Variants in KNTC1 observed in about 807,000 individuals in gnomAD.
KNTC1 encodes kinetochore-associated protein 1.
In KNTC1, 253 loss-of-function variants were observed where a neutral mutation model predicts 314.4. The observed-to-expected ratio is 0.80, with a 90% CI of 0.73 to 0.89. KNTC1 has a LOEUF of 0.89. KNTC1 is among the 40% of genes least tolerant of loss of function. The probability of loss-of-function intolerance (pLI) is 0.00; values close to 1 mark genes in which losing one functional copy is unlikely to be tolerated. For synonymous variants in KNTC1, 901 were observed against 901.4 expected, an observed-to-expected ratio of 1.00 and a Z score of 0.01; for missense variants, 2,475 against 2,572.9, an observed-to-expected ratio of 0.96 and a Z score of 0.82.
At chr12:122,548,453 C>T (rs1467457527) in intron 12 of KNTC1, among the ~76,000 whole-genome samples, 1 of 152,034 alleles carries the variant, frequency 6.6e-6, no homozygotes, top group Non-Finnish European at 1.5e-5. Flanking sequence ...GGTGATTTGC[C>T]TGCCTCTCGG....
intron 41 of KNTC1, 148 bp downstream of exon 41, chr12:122,590,883 TGACATACTGTTG>T: frequency 1.4e-6 from 1 of 727,642 alleles, no homozygotes; most frequent in Non-Finnish European, 2.2e-6. Context: ...GCTTGACTGG[TGACATACTGTTG>T]CCTGTATATG....
At position 122,529,987 on chromosome 12, in the gene KNTC1, C is replaced by G. The variant is rs372721971; in HGVS notation, c.-73-4C>G. ...TCCCAAGGAACCAGGTTCTATGCAA[C>G]AAGATAATATGGTGTCTAATTTTAT... On this transcript the variant is annotated splice_region_variant and splice_polypyrimidine_tract_variant and intron_variant, in intron 1 of 63. Coordinates refer to ENST00000333479, the MANE Select transcript of KNTC1 (RefSeq NM_014708.6). 3.4e-5 allele frequency: 51 copies of G among 1,480,452 alleles called. No homozygotes were observed. In the African/African-American group the frequency reaches 6.6e-4, roughly 19 times the overall value. The allele number at this position is 1,480,452 out of a possible 1,614,324, so 91.7% of individuals were successfully genotyped here.
In KNTC1 at chr12:122,576,960, C is replaced by T; in HGVS notation, c.2652C>T (p.Ala884=). Residue 884 remains alanine (A), a synonymous_variant, in exon 30 of 64, where the codon GCC becomes GCT. Transcript: ENST00000333479. ...CTTTAGAAGATGCTTTAAAGGTAGC[C>T]CAAGCGTTTATGTTATCTGATGATG... is the stretch of plus-strand genomic sequence containing the variant. ...PSSLEDALKV[A]QAFMLSDDEI... is the part of the protein sequence containing the mutation. 2.5e-6 allele frequency: 4 copies of T among 1,598,852 alleles called. No individual in the cohort carries two copies. Among genetic ancestry groups the T allele is most frequent in the Non-Finnish European group, 2.6e-6 (3 of 1,171,018 alleles).
chr12:122,545,494 G>T (rs988742315), intron 8 of KNTC1, among the ~76,000 whole-genome samples: 5 of 151,876 alleles, frequency 3.3e-5, no homozygotes, highest in Non-Finnish European at 7.4e-5. Flanking sequence ...TTTCACCAGG[G>T]TTTCAAAGAA....
intron 6 of KNTC1, 27 bp downstream of exon 6, chr12:122,542,154 T>C (rs1193547174): frequency 7.3e-7 from 1 of 1,361,434 alleles, no homozygotes; most frequent in South Asian, 1.4e-5. Context: ...ATTTTTATTA[T>C]TGATTTGCAG....
chr12:122,541,501 C>G (rs1425669657), intron 5 of KNTC1, among the ~76,000 whole-genome samples: 2 of 151,680 alleles, frequency 1.3e-5, no homozygotes, highest in Non-Finnish European at 2.9e-5. Flanking sequence ...CACGCACCAC[C>G]ACAACCAGCT....
intron 53 of KNTC1, 115 bp from the exon 54 acceptor site, chr12:122,612,997 A>G (rs959225535): frequency 1.5e-5 from 10 of 680,918 alleles, no homozygotes; most frequent in African/African-American, 1.4e-4. Flanking sequence ...GTAACTGTAG[A>G]GATTGACTTT....
intron 61 of KNTC1, 37 bp from the exon 62 acceptor site, chr12:122,622,425 T>C: frequency 1.4e-6 from 2 of 1,454,102 alleles, no homozygotes; most frequent in Non-Finnish European, 1.9e-6. Flanking sequence ...TCTAATAGAT[T>C]AGAAGTCTGA....
chr12:122,615,789 T>C (rs1419764018), intron 57 of KNTC1, among the ~76,000 whole-genome samples: 1 of 152,054 alleles, frequency 6.6e-6, no homozygotes, highest in Non-Finnish European at 1.5e-5. Flanking sequence ...CTAGATCCTT[T>C]CCCTAAAATA....
Position 122,571,465 on chromosome 12 carries a change from C to G in KNTC1, c.2019+339C>G, listed in dbSNP as rs184854095. On this transcript the variant is annotated intron_variant, in intron 24 of 63. Coordinates refer to ENST00000333479, the MANE Select transcript of KNTC1 (RefSeq NM_014708.6). ...CCCTCAACTTTTGGGCTCAAGTGAT[C>G]CTCCCACCTCAGCCTCCTGAGTAGC... Among the ~76,000 whole-genome samples the G allele has an allele frequency of 1.4e-3, 216 of 151,822 alleles. 1 individual carries two copies. The highest frequency in any genetic ancestry group is 2.3e-3 in the Non-Finnish European group (154 of 67,944).
At chr12:122,585,017 T>A in intron 36 of KNTC1, 27 bp downstream of exon 36, 2 of 1,356,456 alleles carry the variant, frequency 1.5e-6, no homozygotes, top group Non-Finnish European at 1.0e-6. Flanking sequence ...TTTTTTCCCT[T>A]AAATCCTGGG....
Position 122,587,896 on chromosome 12 carries a change from C to T in KNTC1, c.3894+22C>T, listed in dbSNP as rs190460341. The T allele has an allele frequency of 4.4e-6, 7 of 1,600,842 alleles. No individual in the cohort carries two copies. In the East Asian group the frequency reaches 1.6e-4, roughly 36 times the overall value. ...AAAGGTATAGTGTCAAGAACAAATACTTTGACTTGGGGTGAATATAGATGT... is the reference window on the plus strand; with the variant it reads ...AAAGGTATAGTGTCAAGAACAAATATTTTGACTTGGGGTGAATATAGATGT... On this transcript the variant is annotated intron_variant, in intron 39 of 63. Transcript: ENST00000333479.
intron 17 of KNTC1, 42 bp downstream of exon 17, chr12:122,557,551 T>C (rs747016495): frequency 5.6e-6 from 9 of 1,611,886 alleles, no homozygotes; most frequent in Non-Finnish European, 7.6e-6. Context: ...TAGATTGACG[T>C]GTTGATCAAC....
At chr12:122,599,033 A>C (rs1165423509) in intron 44 of KNTC1, among the ~76,000 whole-genome samples, 2 of 152,034 alleles carry the variant, frequency 1.3e-5, no homozygotes, top group Admixed American at 1.3e-4. Flanking sequence ...GTGCAGATGA[A>C]TCTCACTGTG....
intron 8 of KNTC1, 55 bp from the exon 9 acceptor site, chr12:122,546,121 A>G (rs1962740336): frequency 5.1e-6 from 5 of 988,650 alleles, no homozygotes; most frequent in Non-Finnish European, 3.2e-6. Flanking sequence ...ACTTTGAGGA[A>G]GGCTCAGGTC....
intron 16 of KNTC1, 150 bp from the exon 17 acceptor site, chr12:122,557,234 T>G: frequency 1.4e-6 from 1 of 699,118 alleles, no homozygotes; most frequent in Non-Finnish European, 2.3e-6. Context: ...CTCAGATATC[T>G]GAATGTTACT....
intron 43 of KNTC1, among the ~76,000 whole-genome samples, chr12:122,596,329 C>A (rs991337958): frequency 2.6e-5 from 4 of 151,820 alleles, no homozygotes; most frequent in Non-Finnish European, 5.9e-5. Context: ...GCAATCCACC[C>A]GTCTCGACCT....
chr12:122,576,508 G>A (rs112440634), intron 29 of KNTC1, among the ~76,000 whole-genome samples: 4 of 152,238 alleles, frequency 2.6e-5, no homozygotes, highest in African/African-American at 7.2e-5. Flanking sequence ...GTAAAACTCC[G>A]TCTCTGCTAA....
chr12:122,574,538 G>A (rs1200704373), intron 27 of KNTC1, among the ~76,000 whole-genome samples, 158 bp downstream of exon 27: 1 of 152,188 alleles, frequency 6.6e-6, no homozygotes, highest in Non-Finnish European at 1.5e-5. Context: ...ATGGTTCACT[G>A]CAGCCTCAAT....
Sources: gnomAD v4.1 joint callset for allele counts (sites outside exome capture counted in the v4.1 genomes callset) on GRCh38, gnomAD v4.1.1 for gene constraint, MANE v1.5 for transcripts, NCBI Gene and HGNC (gene_info 2026-07-23, HGNC 2026-07-21) for gene names.